MPPED1: variants seen among roughly 807,000 people sequenced by gnomAD.
The protein encoded by MPPED1 is metallophosphoesterase domain containing 1.
In MPPED1, 16 loss-of-function variants were observed where a neutral mutation model predicts 36.2. The ratio of observed to expected loss-of-function variants is 0.44; its 90% CI spans 0.30 to 0.67. The LOEUF (loss-of-function observed/expected upper bound fraction) is 0.67, where lower values mean the gene tolerates loss of function less well. MPPED1 is among the 30% of genes least tolerant of loss of function. The probability of loss-of-function intolerance (pLI) is 0.10; values close to 1 mark genes in which losing one functional copy is unlikely to be tolerated. For missense variants in MPPED1, 307 were observed against 453.4 expected (o/e 0.68, Z 2.93); for synonymous variants, 199 against 191.3 (o/e 1.04, Z -0.33).
At chr22:43,482,878 G>A (rs941755933) in intron 4 of MPPED1, among the ~76,000 whole-genome samples, 1 of 152,344 alleles carries the variant, frequency 6.6e-6, no homozygotes, top group Non-Finnish European at 1.5e-5. Flanking sequence ...CCAGTTGGAT[G>A]GGGCCAGAAC....
chr22:43,465,810 C>T (rs928749978), intron 3 of MPPED1, among the ~76,000 whole-genome samples: 3 of 152,130 alleles, frequency 2.0e-5, no homozygotes, highest in African/African-American at 7.2e-5. Flanking sequence ...GCCAGGAGAC[C>T]GTAAGCACCC....
chr22:43,449,921 G>T (rs7289405), intron 3 of MPPED1, among the ~76,000 whole-genome samples: 2 of 152,270 alleles, frequency 1.3e-5, no homozygotes, highest in African/African-American at 4.8e-5. Flanking sequence ...CCTGAGCGAG[G>T]TGGATTCTAG....
intron 4 of MPPED1, among the ~76,000 whole-genome samples, chr22:43,480,031 T>G (rs370619796): frequency 1.5e-4 from 23 of 152,064 alleles, no homozygotes; most frequent in Middle Eastern, 3.2e-3. Context: ...CCCGGCTGAT[T>G]TTTAAAATTA....
At chr22:43,445,789 C>T (rs186768753) in intron 3 of MPPED1, among the ~76,000 whole-genome samples, 1 of 151,298 alleles carries the variant, frequency 6.6e-6, no homozygotes, top group Non-Finnish European at 1.5e-5. Flanking sequence ...AGGCTGGTCT[C>T]GAACTCCTGG....
chr22:43,483,383 A>C (rs1195385917), intron 4 of MPPED1, among the ~76,000 whole-genome samples: 2 of 152,116 alleles, frequency 1.3e-5, no homozygotes, highest in Admixed American at 6.5e-5. Context: ...TCCCGTCTCC[A>C]CCCTGCCCCA....
At chr22:43,412,519 C>T (rs1259674270) in intron 1 of MPPED1, among the ~76,000 whole-genome samples, 1 of 152,162 alleles carries the variant, frequency 6.6e-6, no homozygotes, top group Non-Finnish European at 1.5e-5. Flanking sequence ...TAGCAGCCCC[C>T]GCTTGTAGAG....
At chr22:43,475,008 T>C in intron 4 of MPPED1, 47 bp downstream of exon 4, 1 of 1,573,382 alleles carries the variant, frequency 6.4e-7, no homozygotes, top group East Asian at 2.2e-5. Flanking sequence ...AGACCAGAGC[T>C]GAGGCTGAGC....
chr22:43,436,975 G>C (rs1370632710), intron 3 of MPPED1, among the ~76,000 whole-genome samples: 1 of 152,250 alleles, frequency 6.6e-6, no homozygotes, highest in African/African-American at 2.4e-5. Context: ...AACTTGTAAA[G>C]GGGTCTTCCT....
At chr22:43,434,988 C>G in intron 2 of MPPED1, 46 bp from the exon 3 acceptor site, 3 of 1,588,938 alleles carry the variant, frequency 1.9e-6, no homozygotes, top group South Asian at 1.1e-5. Context: ...CCCGCAGGCT[C>G]GCGGCTCCAT....
intron 4 of MPPED1, among the ~76,000 whole-genome samples, chr22:43,496,999 G>A (rs1197941668): frequency 4.1e-4 from 54 of 130,602 alleles, no homozygotes; most frequent in African/African-American, 6.5e-4. Flanking sequence ...TGGTGGAGGT[G>A]GTGGTGGTGG....
intron 3 of MPPED1, among the ~76,000 whole-genome samples, chr22:43,459,941 G>T (rs190018007): frequency 9.6e-4 from 146 of 152,266 alleles, no homozygotes; most frequent in African/African-American, 3.3e-3. Flanking sequence ...AGGCGTGGTG[G>T]CTTACGCCTG....
intron 6 of MPPED1, among the ~76,000 whole-genome samples, chr22:43,503,234 C>T (rs966097370): frequency 1.3e-4 from 20 of 152,188 alleles, no homozygotes; most frequent in Non-Finnish European, 2.6e-4. Flanking sequence ...ATGTCAGCTC[C>T]GGTTCTATCA....
At chr22:43,417,784 C>T in intron 1 of MPPED1, 1 of 285,436 alleles carries the variant, frequency 3.5e-6, no homozygotes, top group Non-Finnish European at 6.9e-6. Flanking sequence ...AGCCACCGGC[C>T]TGAAGACAGG....
chr22:43,450,417 G>T (rs755855825), intron 3 of MPPED1, among the ~76,000 whole-genome samples: 3 of 152,260 alleles, frequency 2.0e-5, no homozygotes, highest in Non-Finnish European at 2.9e-5. Flanking sequence ...ATAAGGCATT[G>T]CAGCTGGGAT....
At chr22:43,431,052 T>G (rs143238396) in intron 2 of MPPED1, among the ~76,000 whole-genome samples, 3,899 of 109,130 alleles carry the variant, frequency 0.036, 384 homozygotes, top group South Asian at 0.19. Flanking sequence ...TTTTTTTTTT[T>G]TTTTTTTTAG....
Position 43,424,952 on chromosome 22 carries a change from C to T in MPPED1, c.-34C>T, listed in dbSNP as rs373164017. 2.4e-5 allele frequency: 38 copies of T among 1,551,346 alleles called. No individual in the cohort carries two copies. Among genetic ancestry groups the T allele is most frequent in the Middle Eastern group, 1.7e-4 (1 of 5,866 alleles). ...GGGGGCCGGGCTGCGGTGGCGGCAGCGGTGGGAGATGCCGGGGCGGCCGGC... is the reference window on the plus strand; with the variant it reads ...GGGGGCCGGGCTGCGGTGGCGGCAGTGGTGGGAGATGCCGGGGCGGCCGGC... On this transcript the variant is annotated 5_prime_UTR_variant, in exon 2 of 7. Coordinates refer to ENST00000443721, the MANE Select transcript of MPPED1 (RefSeq NM_001044370.2).
chr22:43,440,760 G>A (rs1450863144), intron 3 of MPPED1, among the ~76,000 whole-genome samples: 6 of 151,906 alleles, frequency 3.9e-5, no homozygotes, highest in African/African-American at 1.5e-4. Context: ...AGGACCCTGC[G>A]CCACCCTTGG....
At chr22:43,503,358 C>T (rs1037035160) in intron 6 of MPPED1, among the ~76,000 whole-genome samples, 6 of 152,008 alleles carry the variant, frequency 3.9e-5, no homozygotes, top group African/African-American at 7.2e-5. Context: ...CTTTTTTTGC[C>T]CCTTTTGGAT....
At chr22:43,479,276 G>T (rs115714899) in intron 4 of MPPED1, among the ~76,000 whole-genome samples, 1 of 152,234 alleles carries the variant, frequency 6.6e-6, no homozygotes, top group African/African-American at 2.4e-5. Context: ...GTGGACTGCA[G>T]GAGGCATTCC....
Sources: allele counts gnomAD v4.1 joint callset (sites outside exome capture counted in the v4.1 genomes callset), GRCh38; gene constraint gnomAD v4.1.1; transcripts MANE v1.5; gene names NCBI Gene and HGNC (gene_info 2026-07-23, HGNC 2026-07-21).